Variants in SEZ6L observed in about 807,000 individuals in gnomAD.
The protein encoded by SEZ6L is seizure related 6 homolog like.
In SEZ6L, 37 loss-of-function variants were observed where a neutral mutation model predicts 106.2. The observed-to-expected ratio is 0.35, with a 90% CI of 0.27 to 0.46. The LOEUF is 0.46. Among genes scored for constraint, SEZ6L ranks in the 20% least tolerant of loss-of-function variants. The pLI is 1.00. For missense variants in SEZ6L, 1,172 were observed against 1,332.8 expected (o/e 0.88, Z 1.88); for synonymous variants, 541 against 570.4 (o/e 0.95, Z 0.73).
At chr22:26,268,421 T>C (rs2145833814) in intron 1 of SEZ6L, among the ~76,000 whole-genome samples, 1 of 152,272 alleles carries the variant, frequency 6.6e-6, no homozygotes, top group South Asian at 2.1e-4. Context: ...ATGACCAAGG[T>C]CACACAACTG....
intron 14 of SEZ6L, among the ~76,000 whole-genome samples, chr22:26,375,328 A>T (rs1893221): frequency 2.0e-5 from 3 of 152,060 alleles, no homozygotes; most frequent in Non-Finnish European, 4.4e-5. Flanking sequence ...TGGTACGATC[A>T]GGTTTCAAAC....
intron 1 of SEZ6L, among the ~76,000 whole-genome samples, chr22:26,246,334 C>G (rs960732103): frequency 6.6e-6 from 1 of 152,172 alleles, no homozygotes; most frequent in Non-Finnish European, 1.5e-5. Flanking sequence ...AACCCTAACC[C>G]TAACCCAACC....
chr22:26,318,758 A>G (rs1397945551), intron 9 of SEZ6L, among the ~76,000 whole-genome samples: 2 of 152,056 alleles, frequency 1.3e-5, no homozygotes, highest in African/African-American at 4.8e-5. Flanking sequence ...CCCTCCCTAT[A>G]TCTACTTATA....
At chr22:26,228,279 T>A (rs2078694593) in intron 1 of SEZ6L, among the ~76,000 whole-genome samples, 1 of 151,502 alleles carries the variant, frequency 6.6e-6, no homozygotes. Flanking sequence ...AAAATGAGAG[T>A]CTGGGTCGAT....
intron 1 of SEZ6L, among the ~76,000 whole-genome samples, chr22:26,170,004 G>T (rs1938471858): frequency 6.6e-6 from 1 of 152,090 alleles, no homozygotes; most frequent in Non-Finnish European, 1.5e-5. Context: ...GCTCCCTTTC[G>T]GTCTTCCCCG....
chr22:26,322,656 G>A (rs2082188816), intron 9 of SEZ6L, among the ~76,000 whole-genome samples: 1 of 152,162 alleles, frequency 6.6e-6, no homozygotes, highest in South Asian at 2.1e-4. Flanking sequence ...TGACCATTAG[G>A]CATGAAATGA....
intron 1 of SEZ6L, among the ~76,000 whole-genome samples, chr22:26,209,983 A>AGGGAGGG (rs2078108505): frequency 6.6e-6 from 1 of 150,880 alleles, no homozygotes; most frequent in African/African-American, 2.4e-5. Context: ...GGGAGGAAGG[A>AGGGAGGG]AGGAAGGGAG....
chr22:26,258,323 A>T (rs1370835759), intron 1 of SEZ6L, among the ~76,000 whole-genome samples: 1 of 152,208 alleles, frequency 6.6e-6, no homozygotes. Context: ...TGTGTCAGAC[A>T]TGTGAATGGT....
chr22:26,220,918 TG>T (rs1311655601), intron 1 of SEZ6L, among the ~76,000 whole-genome samples: 4 of 150,320 alleles, frequency 2.7e-5, no homozygotes, highest in Non-Finnish European at 5.9e-5. Flanking sequence ...GATGGATGGA[TG>T]GATGGATGGG....
chr22:26,283,015 G>A (rs2080822059), intron 1 of SEZ6L, among the ~76,000 whole-genome samples: 2 of 152,100 alleles, frequency 1.3e-5, no homozygotes, highest in Non-Finnish European at 2.9e-5. Flanking sequence ...CCACCTCCCG[G>A]GTTCAAGCGA....
chr22:26,367,486 A>G (rs528298729), intron 13 of SEZ6L, among the ~76,000 whole-genome samples: 11 of 151,852 alleles, frequency 7.2e-5, no homozygotes, highest in Admixed American at 6.6e-4. Flanking sequence ...TGGGACCACA[A>G]GTGCACGCCA....
At chr22:26,313,693 T>G (rs749648707) in intron 8 of SEZ6L, 71 bp from the exon 9 acceptor site, 6 of 1,556,894 alleles carry the variant, frequency 3.9e-6, no homozygotes, top group Admixed American at 3.4e-5. Context: ...ATAGCCCACA[T>G]GGTTAGCCGC....
intron 3 of SEZ6L, 63 bp downstream of exon 3, chr22:26,294,488 T>G (rs781013102): frequency 6.4e-5 from 99 of 1,547,798 alleles, no homozygotes; most frequent in Non-Finnish European, 8.2e-5. Flanking sequence ...AGGAGGATTG[T>G]CTGAGTCAGG....
rs149574712 is a variant in SEZ6L at position 26,263,394 on chromosome 22, A to G, written c.95-29012A>G. On this transcript the variant is annotated intron_variant, in intron 1 of 16. Transcript: ENST00000248933. ...CGCTTAGCACTGTGTCTGCTCATCC[A>G]TGTCTCAATATCTCTGGATGAGACA... is the stretch of plus-strand genomic sequence containing the variant. 4.0e-3 allele frequency among the ~76,000 whole-genome samples: 605 copies of G among 152,344 alleles called. 5 individuals are homozygous for G. Among genetic ancestry groups the G allele is most frequent in the African/African-American group, 0.014 (565 of 41,582 alleles).
chr22:26,231,709 G>A (rs1303555910), intron 1 of SEZ6L, among the ~76,000 whole-genome samples: 1 of 152,198 alleles, frequency 6.6e-6, no homozygotes, highest in Non-Finnish European at 1.5e-5. Flanking sequence ...CACCCGCCCT[G>A]CCTTGGCATC....
chr22:26,372,827 G>A (rs1184242157), intron 13 of SEZ6L, among the ~76,000 whole-genome samples: 1 of 152,106 alleles, frequency 6.6e-6, no homozygotes, highest in East Asian at 1.9e-4. Context: ...CAATATAAAA[G>A]GAATAAAAAT....
intron 1 of SEZ6L, among the ~76,000 whole-genome samples, chr22:26,243,679 T>A (rs902833239): frequency 1.3e-5 from 2 of 152,184 alleles, no homozygotes; most frequent in African/African-American, 4.8e-5. Flanking sequence ...TAAGGATCAC[T>A]CTAGCTGATG....
intron 9 of SEZ6L, 127 bp downstream of exon 9, chr22:26,314,029 G>A: frequency 2.2e-6 from 2 of 891,760 alleles, no homozygotes; most frequent in Non-Finnish European, 3.5e-6. Flanking sequence ...ACTATGCAGA[G>A]AACAGGCATT....
At chr22:26,220,712 C>T (rs952352165) in intron 1 of SEZ6L, among the ~76,000 whole-genome samples, 1 of 152,208 alleles carries the variant, frequency 6.6e-6, no homozygotes. Flanking sequence ...CTGCCTGTCC[C>T]TCCCCCATTA....
Sources: gnomAD v4.1 joint callset for allele counts (sites outside exome capture counted in the v4.1 genomes callset) on GRCh38, gnomAD v4.1.1 for gene constraint, MANE v1.5 for transcripts, NCBI Gene and HGNC (gene_info 2026-07-23, HGNC 2026-07-21) for gene names.